CYP2E1: variants seen among roughly 807,000 people sequenced by gnomAD.
CYP2E1 encodes the protein cytochrome P450 family 2 subfamily E member 1, also known as cytochrome P450 2E1.
A neutral mutation model predicts 42.9 loss-of-function variants in CYP2E1; 31 were observed. The observed-to-expected ratio is 0.72, with a 90% CI of 0.54 to 0.98. CYP2E1 has a LOEUF of 0.98. CYP2E1 is among the 50% of genes least tolerant of loss of function. The pLI, the probability that CYP2E1 is intolerant of heterozygous loss-of-function variation, is 0.00. For synonymous variants in CYP2E1, 244 were observed against 248.9 expected (o/e 0.98, Z 0.19); for missense variants, 565 against 633.2 (o/e 0.89, Z 1.16).
Position 133,537,403 on chromosome 10 carries a change from T to G in CYP2E1, c.1155+153T>G, listed in dbSNP as rs562345847. 2.7e-3 allele frequency: 2,013 copies of G among 733,920 alleles called. 7 individuals are homozygous for G. The highest frequency in any genetic ancestry group is 6.4e-3 in the Middle Eastern group (17 of 2,672). 45.5% of individuals were successfully genotyped at this position (733,920 alleles called of 1,614,324 possible). The stretch of plus-strand genomic sequence containing the variant: ...GCCCCACTCCCACCCTGTGGGATAC[T>G]GCATCTCCAGGAGTGCTCACATTGG... On this transcript the variant is annotated intron_variant, in intron 7 of 8. Coordinates refer to ENST00000252945, the MANE Select transcript of CYP2E1 (RefSeq NM_000773.4).
In CYP2E1 at chr10:133,539,101, A is replaced by G. The variant is rs1851445054; in HGVS notation, c.*137A>G. 1.6e-6 allele frequency: 1 copy of G among 619,088 alleles called. No individual in the cohort carries two copies. Among genetic ancestry groups the G allele is most frequent in the Non-Finnish European group, 2.6e-6 (1 of 385,702 alleles). The allele number at this position is 619,088 out of a possible 1,614,324, so 38.3% of individuals were successfully genotyped here. ...TATTTTCCCAGAATATAAATAAATC[A>G]TCACATGATTATTTTAACTATATGT... On this transcript the variant is annotated 3_prime_UTR_variant, in exon 9 of 9. Coordinates refer to ENST00000252945, the MANE Select transcript of CYP2E1 (RefSeq NM_000773.4).
chr10:133,538,701 C>A, intron 8 of CYP2E1, 79 bp from the exon 9 acceptor site: 1 of 1,313,066 alleles, frequency 7.6e-7, no homozygotes, highest in Non-Finnish European at 1.1e-6. Context: ...CTCCTCCCCG[C>A]TTCCCCTAGT....
chr10:133,536,650 T>C (rs1851405293), intron 6 of CYP2E1, among the ~76,000 whole-genome samples: 1 of 81,258 alleles, frequency 1.2e-5, no homozygotes, highest in Admixed American at 1.2e-4. Flanking sequence ...GGTGGTTGGG[T>C]GGATGGATGG....
rs1327451829 is a variant in CYP2E1, at chr10:133,532,735, G to A, written c.692G>A (p.Ser231Asn). The change falls in exon 5 of 9, where the codon AGC becomes AAC. Residue 231 changes from serine (S) to asparagine (N), a missense_variant. Transcript: ENST00000252945. ...FPSFLHYLPG[S>N]HRKVIKNVAE... The stretch of plus-strand genomic sequence containing the variant: ...AGCTTTCTACACTACTTGCCTGGAA[G>A]CCACAGAAAAGTCATAAAAAATGTG... The A allele has an allele frequency of 6.2e-7, 1 of 1,611,594 alleles. No individual in the cohort carries two copies. The highest frequency in any genetic ancestry group is 1.7e-5 in the Admixed American group (1 of 59,552).
At chr10:133,538,418 G>A (rs1281054192) in intron 8 of CYP2E1, among the ~76,000 whole-genome samples, 1 of 152,102 alleles carries the variant, frequency 6.6e-6, no homozygotes, top group African/African-American at 2.4e-5. Context: ...TTCACACCCA[G>A]TGCTGGAGCC....
At position 133,538,958 on chromosome 10, in the gene CYP2E1, CT is replaced by C. The variant is rs1460552926; in HGVS notation, c.1477del (p.Ser493HisfsTer46). 6.2e-7 allele frequency: 1 copy of C among 1,609,908 alleles called. No homozygotes were observed. The highest frequency in any genetic ancestry group is 2.2e-5 in the East Asian group (1 of 44,748). On this transcript the variant is annotated frameshift_variant, in exon 9 of 9. Transcript: ENST00000252945. LOFTEE classifies it high-confidence loss of function. ...PRYKLCVIPR[S>X] The stretch of plus-strand genomic sequence containing the variant: ...GTTACAAACTCTGTGTCATTCCCCG[CT>C]CATGAGTGTGTGGAGGACACCCTGA...
At chr10:133,533,455 G>A (rs915908) in intron 5 of CYP2E1, among the ~76,000 whole-genome samples, 19,514 of 152,260 alleles carry the variant, frequency 0.13, 1,674 homozygotes, top group Admixed American at 0.27. Context: ...GTTAGCAGGA[G>A]CCGTTTAGCT....
At chr10:133,528,022 G>C (rs902404898) in intron 1 of CYP2E1, 78 of 215,462 alleles carry the variant, frequency 3.6e-4, no homozygotes, top group Non-Finnish European at 5.4e-4. Context: ...AACTGATAAC[G>C]CCGTCAGCAC....
chr10:133,538,629 C>T (rs958966773), intron 8 of CYP2E1, 151 bp from the exon 9 acceptor site: 2 of 675,180 alleles, frequency 3.0e-6, no homozygotes, highest in Non-Finnish European at 5.2e-6. Flanking sequence ...ACATTTTGTG[C>T]TTCTTTTAAT....
intron 1 of CYP2E1, chr10:133,528,186 C>A (rs41299404): frequency 3.2e-6 from 1 of 310,798 alleles, no homozygotes; most frequent in East Asian, 5.9e-5. Flanking sequence ...GGTTGGTGGG[C>A]GCGCCTGAGG....
chr10:133,538,815 A>G lies in CYP2E1; in HGVS notation c.1333A>G (p.Met445Val). ...GTGTGCTGGAGAAGGCCTGGCTCGCATGGAGTTGTTTCTTTTGTTGTGTGC... is the reference window on the plus strand; with the variant it reads ...GTGTGCTGGAGAAGGCCTGGCTCGCGTGGAGTTGTTTCTTTTGTTGTGTGC... The part of the protein sequence containing the change: ...RVCAGEGLAR[M>V]ELFLLLCAIL... Residue 445 changes from methionine (M) to valine (V), a missense_variant, in exon 9 of 9, where the codon ATG (methionine) becomes GTG (valine). Coordinates refer to ENST00000252945, the MANE Select transcript of CYP2E1 (RefSeq NM_000773.4). 2 of 1,614,070 alleles carry G rather than the reference A, an allele frequency of 1.2e-6. No homozygotes were observed. The highest frequency in any genetic ancestry group is 1.6e-4 in the Middle Eastern group (1 of 6,062).
rs74771533 is a variant in CYP2E1 at position 133,531,583 on chromosome 10, A to G, written c.338-2A>G. 1.2e-6 allele frequency: 2 copies of G among 1,614,028 alleles called. No individual in the cohort carries two copies. Among genetic ancestry groups the G allele is most frequent in the Non-Finnish European group, 1.7e-6 (2 of 1,179,990 alleles). On this transcript the variant is annotated splice_acceptor_variant, in intron 2 of 8. Coordinates refer to ENST00000252945, the MANE Select transcript of CYP2E1 (RefSeq NM_000773.4). LOFTEE classifies it high-confidence loss of function. Reference sequence around the variant, plus strand: ...AACCTTCTGCTGGCCCCTCTGCCTTAGGAATCATTTTTAATAATGGACCTA... The same window carrying G: ...AACCTTCTGCTGGCCCCTCTGCCTTGGGAATCATTTTTAATAATGGACCTA...
At chr10:133,528,275 G>A in intron 1 of CYP2E1, 1 of 584,576 alleles carries the variant, frequency 1.7e-6, no homozygotes, top group Non-Finnish European at 3.0e-6. Flanking sequence ...GAGCAGAGCA[G>A]CTGGAACCCC....
intron 2 of CYP2E1, among the ~76,000 whole-genome samples, chr10:133,530,075 A>G (rs933570076): frequency 6.6e-6 from 1 of 152,116 alleles, no homozygotes; most frequent in Admixed American, 6.5e-5. Context: ...GATGGGGCTC[A>G]AGGGGACTTT....
chr10:133,532,932 T>G, intron 5 of CYP2E1, 64 bp downstream of exon 5: 1 of 1,453,512 alleles, frequency 6.9e-7, no homozygotes. Flanking sequence ...AATTTCAGAT[T>G]TACAGAGTGA....
rs764958966 is a variant in CYP2E1 at position 133,533,856 on chromosome 10, G to T, written c.926G>T (p.Arg309Ile). 10 of 1,614,048 alleles carry T rather than the reference G, an allele frequency of 6.2e-6. No individual in the cohort carries two copies. The highest frequency in any genetic ancestry group is 8.5e-6 in the Non-Finnish European group (10 of 1,180,024). ...ACAGAGACCACCAGCACAACTCTGA[G>T]ATATGGGCTCCTGATTCTCATGAAA... Reference protein sequence around the residue: ...AGTETTSTTLRYGLLILMKYP... With the variant: ...AGTETTSTTLIYGLLILMKYP... Residue 309 changes from arginine to isoleucine, a missense_variant, in exon 6 of 9, where the codon AGA (arginine) becomes ATA (isoleucine). Transcript: ENST00000252945.
chr10:133,538,841 C>T lies in CYP2E1; in HGVS notation c.1359C>T (p.Ala453=), dbSNP rs1851441357. 11 of 1,614,064 alleles carry T rather than the reference C, an allele frequency of 6.8e-6. No individual in the cohort carries two copies. Among genetic ancestry groups the T allele is most frequent in the Non-Finnish European group, 9.3e-6 (11 of 1,180,002 alleles). Reference sequence around the variant, plus strand: ...TGGAGTTGTTTCTTTTGTTGTGTGCCATTTTGCAGCATTTTAATTTGAAGC... The same window carrying T: ...TGGAGTTGTTTCTTTTGTTGTGTGCTATTTTGCAGCATTTTAATTTGAAGC... The part of the protein sequence containing the change: ...ARMELFLLLC[A]ILQHFNLKPL... The change falls in exon 9 of 9, where the codon GCC becomes GCT. Residue 453 remains alanine, a synonymous_variant. Transcript: ENST00000252945.
At position 133,537,724 on chromosome 10, in the gene CYP2E1, C is replaced by G. The variant is rs28371748; in HGVS notation, c.1156-27C>G. On this transcript the variant is annotated intron_variant, in intron 7 of 8. Transcript: ENST00000252945. ...AAGCCCACATTTTGTTAACATGACTCACTGAGACAGTCTTTGTTTCTCCTA... is the reference window on the plus strand; with the variant it reads ...AAGCCCACATTTTGTTAACATGACTGACTGAGACAGTCTTTGTTTCTCCTA... The G allele has an allele frequency of 9.0e-3, 14,438 of 1,599,802 alleles. 99 individuals carry two copies. The highest frequency in any genetic ancestry group is 0.011 in the Middle Eastern group (64 of 5,992).
chr10:133,529,598 T>A (rs1359674426), intron 2 of CYP2E1, among the ~76,000 whole-genome samples: 1 of 152,272 alleles, frequency 6.6e-6, no homozygotes, highest in African/African-American at 2.4e-5. Flanking sequence ...CGTACATTTC[T>A]GAACATTGTG....
Sources: gnomAD v4.1 joint callset for allele counts (sites outside exome capture counted in the v4.1 genomes callset) on GRCh38, gnomAD v4.1.1 for gene constraint, MANE v1.5 for transcripts, NCBI Gene and HGNC (gene_info 2026-07-23, HGNC 2026-07-21) for gene names.